MBD5: variants seen among roughly 807,000 people sequenced by gnomAD.
MBD5 encodes the protein methyl-CpG binding domain protein 5.
A neutral mutation model predicts 117.3 loss-of-function variants in MBD5; 13 were observed. The observed-to-expected ratio is 0.11, with a 90% CI of 0.07 to 0.18. MBD5 has a LOEUF of 0.18. Among genes scored for constraint, MBD5 ranks in the 10% least tolerant of loss-of-function variants. The pLI, the probability that MBD5 is intolerant of heterozygous loss-of-function variation, is 1.00. For synonymous variants in MBD5, 727 were observed against 766.4 expected, an observed-to-expected ratio of 0.95 and a Z score of 0.85; for missense variants, 1,879 against 2,093.8, an observed-to-expected ratio of 0.90 and a Z score of 2.00.
chr2:148,035,251 G>A (rs1694157895), intron 1 of MBD5, among the ~76,000 whole-genome samples: 2 of 152,126 alleles, frequency 1.3e-5, no homozygotes, highest in Non-Finnish European at 2.9e-5. Context: ...ATATGTGCAA[G>A]TCTTCGTTGA....
intron 1 of MBD5, among the ~76,000 whole-genome samples, chr2:148,155,139 G>T (rs1400486296): frequency 1.3e-5 from 2 of 152,154 alleles, no homozygotes; most frequent in Non-Finnish European, 2.9e-5. Context: ...AAAATGAGCG[G>T]GAAAGATTGC....
intron 1 of MBD5, among the ~76,000 whole-genome samples, chr2:148,119,760 T>A (rs949123921): frequency 1.3e-5 from 2 of 152,176 alleles, no homozygotes; most frequent in African/African-American, 2.4e-5. Context: ...TGAAGGTGAT[T>A]CTTCTGATTG....
intron 4 of MBD5, among the ~76,000 whole-genome samples, chr2:148,428,729 A>G (rs941823100): frequency 6.6e-6 from 1 of 152,214 alleles, no homozygotes; most frequent in African/African-American, 2.4e-5. Flanking sequence ...AACCTGACAA[A>G]AACAAGCAAT....
At chr2:148,062,306 TAAA>T (rs1230667848) in intron 1 of MBD5, 1 of 151,808 alleles carries the variant, frequency 6.6e-6, no homozygotes, top group Non-Finnish European at 1.5e-5. Context: ...TTGTAAAAAG[TAAA>T]AAACTACAAG....
intron 3 of MBD5, among the ~76,000 whole-genome samples, chr2:148,276,806 A>C (rs956077281): frequency 6.6e-6 from 1 of 152,142 alleles, no homozygotes; most frequent in Non-Finnish European, 1.5e-5. Flanking sequence ...ATGACTCCTT[A>C]GAATGTGCCT....
chr2:148,458,172 A>G (rs1223930270), intron 4 of MBD5, 31 bp from the exon 5 acceptor site: 3 of 398,950 alleles, frequency 7.5e-6, no homozygotes, highest in Non-Finnish European at 1.3e-5. Context: ...AACATTAAAT[A>G]TACAAGTTCA....
rs941076378 is a variant in MBD5 at position 148,214,628 on chromosome 2, A to G, written c.-830-18617A>G. 2.7e-4 allele frequency among the ~76,000 whole-genome samples: 41 copies of G among 152,210 alleles called. 1 individual carries two copies. The highest frequency in any genetic ancestry group is 9.2e-4 in the African/African-American group (38 of 41,462). On this transcript the variant is annotated intron_variant, in intron 2 of 13. Transcript: ENST00000642680. The stretch of plus-strand genomic sequence containing the variant: ...GATAACCAAAAGTGTTCAATTTGTT[A>G]CCAGTAGCTCCTATATGACCCCTGT...
Position 148,502,463 on chromosome 2 carries a change from A to G in MBD5, c.4990A>G (p.Thr1664Ala). The change falls in exon 12 of 14, where the codon ACA becomes GCA. Residue 1664 changes from threonine to alanine, a missense_variant. Thr to Ala is a moderately conservative substitution (Grantham distance 58, BLOSUM62 0). This residue lies in a region of MBD5 where 135 missense variants were observed against 148.0 expected (regional missense o/e 0.91). Coordinates refer to ENST00000642680, the MANE Select transcript of MBD5 (RefSeq NM_001378120.1). ...GGAGCCCGAGAAGTTGAAGACACTA[A>G]CAGAAGGTTTGGAAGCCTACAGCCG... ...KVEPEKLKTLTEGLEAYSRVR... is the reference protein window; with the variant it reads ...KVEPEKLKTLAEGLEAYSRVR... 1 of 1,614,218 alleles carries G rather than the reference A, an allele frequency of 6.2e-7. No homozygotes were observed. The highest frequency in any genetic ancestry group is 8.5e-7 in the Non-Finnish European group (1 of 1,180,016).
At chr2:148,200,219 A>G (rs534728139) in intron 2 of MBD5, among the ~76,000 whole-genome samples, 11 of 149,296 alleles carry the variant, frequency 7.4e-5, no homozygotes, top group Non-Finnish European at 1.5e-4. Flanking sequence ...TTTCTAATGC[A>G]TATGTAATCT....
At chr2:148,328,599 A>C (rs1181228793) in intron 3 of MBD5, among the ~76,000 whole-genome samples, 1 of 152,166 alleles carries the variant, frequency 6.6e-6, no homozygotes, top group East Asian at 1.9e-4. Context: ...GAGTGACCCA[A>C]TTTTCCAGGT....
At chr2:148,154,614 G>A (rs1167125031) in intron 1 of MBD5, among the ~76,000 whole-genome samples, 3 of 152,354 alleles carry the variant, frequency 2.0e-5, no homozygotes, top group East Asian at 1.9e-4. Context: ...TCTGAGCCAG[G>A]TGCGGGATAT....
rs544835937 is a variant in MBD5 at position 148,080,500 on chromosome 2, A to T, written c.-925+58816A>T. On this transcript the variant is annotated intron_variant, in intron 1 of 13. Transcript: ENST00000642680. ...CTCTATATATAATAATGCTTTTTTT[A>T]AAAAAAATCTGGCATCCACTTTTGA... is the stretch of plus-strand genomic sequence containing the variant. 4.2e-4 allele frequency among the ~76,000 whole-genome samples: 64 copies of T among 152,106 alleles called. 1 individual carries two copies. Among genetic ancestry groups the T allele is most frequent in the South Asian group, 3.5e-3 (17 of 4,816 alleles).
chr2:148,050,659 G>T (rs1263549299), intron 1 of MBD5, among the ~76,000 whole-genome samples: 1 of 152,030 alleles, frequency 6.6e-6, no homozygotes, highest in Non-Finnish European at 1.5e-5. Flanking sequence ...ATCTTGAAGA[G>T]ACTATATCCC....
intron 4 of MBD5, among the ~76,000 whole-genome samples, chr2:148,372,791 C>T (rs112207587): frequency 2.6e-5 from 4 of 151,892 alleles, no homozygotes; most frequent in Admixed American, 2.0e-4. Context: ...TCAAGAAACT[C>T]GAAGTGTTTG....
chr2:148,128,447 CA>C, intron 1 of MBD5, among the ~76,000 whole-genome samples: 1 of 152,268 alleles, frequency 6.6e-6, no homozygotes, highest in Middle Eastern at 3.4e-3. Context: ...TGTCCAAGGT[CA>C]CACATTAATT....
chr2:148,121,780 A>G (rs1696772744), intron 1 of MBD5, among the ~76,000 whole-genome samples: 1 of 152,158 alleles, frequency 6.6e-6, no homozygotes, highest in Non-Finnish European at 1.5e-5. Context: ...GGATACTCTA[A>G]AAGCTGAAAA....
At chr2:148,377,246 A>G (rs1704016967) in intron 4 of MBD5, among the ~76,000 whole-genome samples, 1 of 152,112 alleles carries the variant, frequency 6.6e-6, no homozygotes, top group Non-Finnish European at 1.5e-5. Context: ...TGGGAGGCTA[A>G]GCCAGTCTAG....
chr2:148,391,062 A>G (rs895653593), intron 4 of MBD5, among the ~76,000 whole-genome samples: 44 of 152,202 alleles, frequency 2.9e-4, no homozygotes, highest in African/African-American at 1.0e-3. Flanking sequence ...CACTCTGCAA[A>G]GTCTGAAGTC....
chr2:148,386,499 A>C (rs576400215), intron 4 of MBD5, among the ~76,000 whole-genome samples: 134 of 152,058 alleles, frequency 8.8e-4, no homozygotes, highest in Admixed American at 5.4e-3. Flanking sequence ...CGGGCGGATC[A>C]CGAGGTCAGG....
Sources: allele counts gnomAD v4.1 joint callset (sites outside exome capture counted in the v4.1 genomes callset), GRCh38; gene constraint gnomAD v4.1.1; regional missense constraint gnomAD v4.1.1; transcripts MANE v1.5; gene names NCBI Gene and HGNC (gene_info 2026-07-23, HGNC 2026-07-21).